Variants in RETREG1 observed in about 807,000 individuals in gnomAD.
The protein encoded by RETREG1 is family with sequence similarity 134 member B.
Under a neutral mutation model 54.8 loss-of-function variants are expected in RETREG1, and 44 were observed. The ratio of observed to expected loss-of-function variants is 0.80; its 90% CI spans 0.63 to 1.03. The LOEUF (loss-of-function observed/expected upper bound fraction) is 1.03, where lower values mean the gene tolerates loss of function less well. RETREG1 is among the 50% of genes least tolerant of loss of function. The probability of loss-of-function intolerance (pLI) is 0.00; values close to 1 mark genes in which losing one functional copy is unlikely to be tolerated. For synonymous variants in RETREG1, 217 were observed against 238.5 expected (o/e 0.91, Z 0.83); for missense variants, 554 against 605.1 (o/e 0.92, Z 0.89).
chr5:16,604,223 T>C (rs921175273), intron 1 of RETREG1, among the ~76,000 whole-genome samples: 4 of 152,132 alleles, frequency 2.6e-5, no homozygotes, highest in Non-Finnish European at 4.4e-5. Context: ...TCCAGCTTAT[T>C]GGGGCGGGGT....
intron 3 of RETREG1, among the ~76,000 whole-genome samples, chr5:16,504,609 A>G (rs368378631): frequency 2.0e-5 from 3 of 151,978 alleles, no homozygotes; most frequent in African/African-American, 7.3e-5. Context: ...GCCCTCCTAA[A>G]TGCTAAACAC....
chr5:16,534,254 G>A (rs553901509), intron 3 of RETREG1, among the ~76,000 whole-genome samples: 2 of 152,296 alleles, frequency 1.3e-5, no homozygotes, highest in South Asian at 4.1e-4. Flanking sequence ...ACTCCAGCCT[G>A]GGTGATAGAG....
intron 3 of RETREG1, among the ~76,000 whole-genome samples, chr5:16,500,271 T>C (rs1176859690): frequency 6.6e-6 from 1 of 152,174 alleles, no homozygotes; most frequent in Admixed American, 6.5e-5. Flanking sequence ...TGAATTGTAA[T>C]GCATTGCTAC....
rs949012327 is a variant in RETREG1, at chr5:16,585,699, C to A, written c.321-13597G>T. On this transcript the variant is annotated intron_variant, in intron 1 of 8. Coordinates refer to ENST00000306320, the MANE Select transcript of RETREG1 (RefSeq NM_001034850.3). The surrounding 1 kb of genome is among the most constrained non-coding windows in gnomAD (Gnocchi z 4.5). Reference sequence around the variant, plus strand: ...AAAGAGATTTAACTGGCTCTTGGTTCTGCAGGCTGTACAGGAAGCATGGGG... The same window carrying A: ...AAAGAGATTTAACTGGCTCTTGGTTATGCAGGCTGTACAGGAAGCATGGGG... Among the ~76,000 whole-genome samples the A allele has an allele frequency of 4.4e-4, 67 of 152,178 alleles. No individual in the cohort carries two copies. Among genetic ancestry groups the A allele is most frequent in the African/African-American group, 1.5e-3 (61 of 41,442 alleles).
At chr5:16,501,337 T>C (rs1335105387) in intron 3 of RETREG1, among the ~76,000 whole-genome samples, 1 of 152,184 alleles carries the variant, frequency 6.6e-6, no homozygotes, top group African/African-American at 2.4e-5. Context: ...AAAACCAGCA[T>C]TGCATGGTTC....
chr5:16,559,299 C>CA (rs11310060), intron 3 of RETREG1, among the ~76,000 whole-genome samples: 1 of 151,648 alleles, frequency 6.6e-6, no homozygotes, highest in Non-Finnish European at 1.5e-5. Context: ...AAGCTAGGGG[C>CA]AAAAAAAACC....
rs373543417 is a variant in RETREG1, at chr5:16,478,822, T to C, written c.808+28A>G. On this transcript the variant is annotated intron_variant, in intron 6 of 8. Transcript: ENST00000306320. Reference sequence around the variant, plus strand: ...GCTCGCTAATGTCTCATTTCATGCATAGAATCTAAAATATAAACTTTACCT... The same window carrying C: ...GCTCGCTAATGTCTCATTTCATGCACAGAATCTAAAATATAAACTTTACCT... The C allele has an allele frequency of 2.0e-5, 32 of 1,603,318 alleles. No homozygotes were observed. The East Asian group carries it at 2.7e-4, about 13-fold the overall frequency.
At chr5:16,522,687 G>T (rs1740573549) in intron 3 of RETREG1, among the ~76,000 whole-genome samples, 1 of 152,058 alleles carries the variant, frequency 6.6e-6, no homozygotes, top group South Asian at 2.1e-4. Context: ...ACACAAACTT[G>T]TTTTATTTTA....
chr5:16,590,290 C>T (rs1742728840), intron 1 of RETREG1, among the ~76,000 whole-genome samples: 1 of 152,160 alleles, frequency 6.6e-6, no homozygotes, highest in South Asian at 2.1e-4. Context: ...CACACCTTGA[C>T]ACACGACAGC....
At chr5:16,581,754 C>T (rs1056509837) in intron 1 of RETREG1, among the ~76,000 whole-genome samples, 3 of 151,620 alleles carry the variant, frequency 2.0e-5, no homozygotes, top group South Asian at 2.1e-4. Context: ...AGAAAAAAAA[C>T]GATACATTTT....
At chr5:16,614,757 T>C (rs1446255620) in intron 1 of RETREG1, among the ~76,000 whole-genome samples, 2 of 152,220 alleles carry the variant, frequency 1.3e-5, no homozygotes, top group Non-Finnish European at 2.9e-5. Flanking sequence ...CTTGGAAACA[T>C]TACTGCCTCA....
At chr5:16,557,245 G>A (rs535217848) in intron 3 of RETREG1, among the ~76,000 whole-genome samples, 1 of 152,254 alleles carries the variant, frequency 6.6e-6, no homozygotes, top group South Asian at 2.1e-4. Context: ...TGAGTTAGAT[G>A]GACTCTTGAG....
At chr5:16,546,071 G>A (rs963665822) in intron 3 of RETREG1, among the ~76,000 whole-genome samples, 13 of 152,184 alleles carry the variant, frequency 8.5e-5, no homozygotes, top group Non-Finnish European at 1.9e-4. Context: ...AAAGAGGTGA[G>A]ATACAATGAT....
At chr5:16,491,076 C>T (rs1365528457) in intron 3 of RETREG1, among the ~76,000 whole-genome samples, 1 of 152,172 alleles carries the variant, frequency 6.6e-6, no homozygotes, top group East Asian at 1.9e-4. Context: ...ATGACCATGG[C>T]AACTATCTGC....
At chr5:16,508,707 G>C in intron 3 of RETREG1, 1 of 1,592,780 alleles carries the variant, frequency 6.3e-7, no homozygotes. Context: ...CTACTCTAAT[G>C]CTGAATATCA....
At chr5:16,564,627 T>A (rs1741957940) in intron 3 of RETREG1, among the ~76,000 whole-genome samples, 2 of 152,340 alleles carry the variant, frequency 1.3e-5, no homozygotes, top group Admixed American at 1.3e-4. Context: ...CCAGAGCCTA[T>A]GCCAGCTCTT....
chr5:16,609,723 CAAG>C (rs1743287270), intron 1 of RETREG1, among the ~76,000 whole-genome samples: 1 of 152,106 alleles, frequency 6.6e-6, no homozygotes, highest in Non-Finnish European at 1.5e-5. Context: ...CAGTGGGAAC[CAAG>C]AAGAGAATGG....
chr5:16,521,860 A>G (rs974521030), intron 3 of RETREG1, among the ~76,000 whole-genome samples: 1 of 152,250 alleles, frequency 6.6e-6, no homozygotes, highest in African/African-American at 2.4e-5. Context: ...TTTTTGGAGA[A>G]GCCAAATTGA....
Sources: gnomAD v4.1 joint callset for allele counts (sites outside exome capture counted in the v4.1 genomes callset) on GRCh38, gnomAD v4.1.1 for gene constraint, Gnocchi (gnomAD v3.1) non-coding constraint, MANE v1.5 for transcripts, NCBI Gene and HGNC (gene_info 2026-07-23, HGNC 2026-07-21) for gene names.